Variants in COIL observed in about 807,000 individuals in gnomAD.
COIL encodes the protein coilin p80.
Under a neutral mutation model 51.6 loss-of-function variants are expected in COIL, and 28 were observed. The ratio of observed to expected loss-of-function variants is 0.54; its 90% CI spans 0.40 to 0.74. COIL has a LOEUF of 0.74. Among genes scored for constraint, COIL ranks in the 30% least tolerant of loss-of-function variants. The probability of loss-of-function intolerance (pLI) is 0.00; values close to 1 mark genes in which losing one functional copy is unlikely to be tolerated. For missense variants in COIL, 667 were observed against 685.9 expected (o/e 0.97, Z 0.31); for synonymous variants, 233 against 255.8 (o/e 0.91, Z 0.85).
chr17:56,948,768 G>A (rs907526004), intron 4 of COIL, among the ~76,000 whole-genome samples: 1 of 148,970 alleles, frequency 6.7e-6, no homozygotes, highest in Non-Finnish European at 1.5e-5. Context: ...TAATATTTAT[G>A]AATTACCTGT....
At chr17:56,956,668 C>T (rs1235860574) in intron 1 of COIL, among the ~76,000 whole-genome samples, 2 of 151,914 alleles carry the variant, frequency 1.3e-5, no homozygotes, top group South Asian at 2.1e-4. Flanking sequence ...CTCAACTCAC[C>T]GAAGCCTTTA....
At chr17:56,939,208 G>T in intron 6 of COIL, 54 bp from the exon 7 acceptor site, 2 of 927,550 alleles carry the variant, frequency 2.2e-6, no homozygotes, top group Admixed American at 1.9e-5. Context: ...AGGTCATACC[G>T]GTTAATTCAG....
chr17:56,960,704 A>C, intron 1 of COIL, 71 bp downstream of exon 1: 2 of 1,109,884 alleles, frequency 1.8e-6, no homozygotes, highest in Non-Finnish European at 2.3e-6. Flanking sequence ...TAGCGGCTTC[A>C]GGCCCGGGCG....
chr17:56,957,351 T>TGCTC (rs1037862431), intron 1 of COIL, among the ~76,000 whole-genome samples: 1 of 151,758 alleles, frequency 6.6e-6, no homozygotes, highest in African/African-American at 2.4e-5. Flanking sequence ...CAGACACAGT[T>TGCTC]GCTCACTCCT....
At chr17:56,939,176 C>T (rs761688588) in intron 6 of COIL, 22 bp from the exon 7 acceptor site, 2 of 1,300,408 alleles carry the variant, frequency 1.5e-6, no homozygotes, top group East Asian at 4.6e-5. Context: ...GACAAAATAC[C>T]CAGTTTAGGC....
chr17:56,946,637 A>C lies in COIL; in HGVS notation c.1489-126T>G, dbSNP rs988110620. ...TTTTATGTTATGTGAATTTTATCTC[A>C]GTTGAAAAATTTAGAAATAAATCCA... On this transcript the variant is annotated intron_variant, in intron 4 of 6. Transcript: ENST00000240316. 11 of 605,350 alleles carry C rather than the reference A, an allele frequency of 1.8e-5. No individual in the cohort carries two copies. The African/African-American group carries it at 1.9e-4, about 10-fold the overall frequency. 37.5% of individuals were successfully genotyped at this position (605,350 alleles called of 1,614,324 possible).
At chr17:56,954,182 G>C (rs1439183925) in intron 1 of COIL, among the ~76,000 whole-genome samples, 2 of 152,124 alleles carry the variant, frequency 1.3e-5, no homozygotes, top group East Asian at 3.8e-4. Context: ...ACATCCAGTT[G>C]ATGAGAACCC....
intron 1 of COIL, 80 bp downstream of exon 1, chr17:56,960,695 A>C: frequency 1.0e-6 from 1 of 953,670 alleles, no homozygotes; most frequent in Non-Finnish European, 1.4e-6. Context: ...TACCAGGTCT[A>C]GCGGCTTCAG....
At chr17:56,958,839 T>C (rs919890107) in intron 1 of COIL, among the ~76,000 whole-genome samples, 3 of 152,228 alleles carry the variant, frequency 2.0e-5, no homozygotes, top group African/African-American at 7.2e-5. Flanking sequence ...CAAATTGTCA[T>C]TTGAAACAGT....
Position 56,950,596 on chromosome 17 carries a change from A to T in COIL, c.646T>A (p.Cys216Ser), listed in dbSNP as rs372367955. The change falls in exon 2 of 7, where the codon TGT (cysteine) becomes AGT (serine). Residue 216 changes from cysteine to serine, a missense_variant. Physicochemically the swap from Cys to Ser is moderately radical, Grantham distance 112 (BLOSUM62 -1). Transcript: ENST00000240316. ...QAVKDWANQR[C>S]SSPKGSARNS... ...CTAGCAGAACCTTTTGGAGAACTACATCTCTGATTGGCCCAGTCTTTCACT... is the reference window on the plus strand; with the variant it reads ...CTAGCAGAACCTTTTGGAGAACTACTTCTCTGATTGGCCCAGTCTTTCACT... The T allele has an allele frequency of 2.0e-5, 33 of 1,614,050 alleles. No homozygotes were observed. The highest frequency in any genetic ancestry group is 2.7e-5 in the Non-Finnish European group (32 of 1,180,034).
At chr17:56,946,381 G>A (rs1910250357) in intron 5 of COIL, 61 bp downstream of exon 5, 10 of 1,139,894 alleles carry the variant, frequency 8.8e-6, no homozygotes, top group Non-Finnish European at 1.3e-5. Context: ...GTGTATAAAA[G>A]CTATTTATAA....
chr17:56,947,872 A>G (rs1910279775), intron 4 of COIL, among the ~76,000 whole-genome samples: 1 of 152,142 alleles, frequency 6.6e-6, no homozygotes. Flanking sequence ...CTCATATATC[A>G]CACAATTAAA....
chr17:56,939,330 C>G (rs1723645229), intron 6 of COIL, among the ~76,000 whole-genome samples, 176 bp from the exon 7 acceptor site: 1 of 152,108 alleles, frequency 6.6e-6, no homozygotes, highest in Non-Finnish European at 1.5e-5. Context: ...CGCTGTGGCT[C>G]ACACCTGTAA....
chr17:56,940,788 T>C (rs926353675), intron 6 of COIL, among the ~76,000 whole-genome samples: 1 of 152,146 alleles, frequency 6.6e-6, no homozygotes, highest in African/African-American at 2.4e-5. Context: ...AATGCCACCA[T>C]AACCTAATGA....
rs1181875298 is a variant in COIL, at chr17:56,950,539, T to C, written c.703A>G (p.Ser235Gly). The change falls in exon 2 of 7, where the codon AGT becomes GGT. Residue 235 changes from serine (S) to glycine (G), a missense_variant. Coordinates refer to ENST00000240316, the MANE Select transcript of COIL (RefSeq NM_004645.3). ...CTCTCTTTTGAGCAAACGCTTACAC[T>C]ACCTTTCCTTTTGGCTTTAACAAGG... ...NSLVKAKRKG[S>G]VSVCSKESPS... The C allele has an allele frequency of 3.7e-6, 6 of 1,614,130 alleles. No individual in the cohort carries two copies. Among genetic ancestry groups the C allele is most frequent in the Non-Finnish European group, 5.1e-6 (6 of 1,180,046 alleles).
At chr17:56,954,631 G>A (rs1427937179) in intron 1 of COIL, among the ~76,000 whole-genome samples, 4 of 151,886 alleles carry the variant, frequency 2.6e-5, no homozygotes, top group African/African-American at 9.7e-5. Flanking sequence ...GATTCCTGCA[G>A]CCCCACTACC....
chr17:56,953,007 G>A (rs975152148), intron 1 of COIL, among the ~76,000 whole-genome samples: 2 of 152,208 alleles, frequency 1.3e-5, no homozygotes, highest in Non-Finnish European at 2.9e-5. Flanking sequence ...GCCAGGCACA[G>A]TGGCTCATGC....
Position 56,949,999 on chromosome 17 carries a change from T to TC in COIL, c.1242dup (p.Arg415GlufsTer15). ...ACAGGATGCCCTCGTCCTCGACCTCTCCCCCGCATGCCCCGTCCCTTAGCT... is the reference window on the plus strand; with the variant it reads ...ACAGGATGCCCTCGTCCTCGACCTCTCCCCCCGCATGCCCCGTCCCTTAGCT... On this transcript the variant is annotated frameshift_variant, in exon 2 of 7. Transcript: ENST00000240316. LOFTEE classifies it high-confidence loss of function. 6.2e-7 allele frequency: 1 copy of TC among 1,614,090 alleles called. No homozygotes were observed.
chr17:56,949,563 C>G (rs1191375606), intron 3 of COIL, 118 bp downstream of exon 3: 2 of 1,348,894 alleles, frequency 1.5e-6, no homozygotes, highest in African/African-American at 2.9e-5. Context: ...GAACCCGTAA[C>G]AACACTGGGG....
Sources: gnomAD v4.1 joint callset for allele counts (sites outside exome capture counted in the v4.1 genomes callset) on GRCh38, gnomAD v4.1.1 for gene constraint, MANE v1.5 for transcripts, NCBI Gene and HGNC (gene_info 2026-07-23, HGNC 2026-07-21) for gene names.